Variants in FAM135B observed in about 807,000 individuals in gnomAD.
FAM135B encodes family with sequence similarity 135 member B.
FAM135B carries 43 observed loss-of-function variants against 127.7 expected under a neutral mutation model. That is an observed-to-expected ratio of 0.34 (90% CI 0.26 to 0.43). FAM135B has a LOEUF of 0.43. Among genes scored for constraint, FAM135B ranks in the 20% least tolerant of loss-of-function variants. The probability of loss-of-function intolerance (pLI) is 1.00; values close to 1 mark genes in which losing one functional copy is unlikely to be tolerated. For missense variants in FAM135B, 1,558 were observed against 1,725.6 expected (o/e 0.90, Z 1.72); for synonymous variants, 670 against 665.1 (o/e 1.01, Z -0.11).
rs1210871257 is a variant in FAM135B, at chr8:138,250,955, T to C, written c.428A>G (p.His143Arg). 2 of 1,611,516 alleles carry C rather than the reference T, an allele frequency of 1.2e-6. No homozygotes were observed. Among genetic ancestry groups the C allele is most frequent in the Non-Finnish European group, 1.7e-6 (2 of 1,179,728 alleles). Residue 143 changes from histidine to arginine, a missense_variant, in exon 6 of 20, where the codon CAC becomes CGC. His to Arg is a conservative substitution (Grantham distance 29). Transcript: ENST00000395297. ...VSSRTLGLHF[H>R]PRNGLHHQVP... The stretch of plus-strand genomic sequence containing the variant: ...CTGGTGGTGCAGACCATTCCGGGGG[T>C]GGAAGTGCAGGCCAAGCGTTCGGCT...
chr8:138,436,768 G>C (rs1399437101), intron 1 of FAM135B: 1 of 152,232 alleles, frequency 6.6e-6, no homozygotes, highest in Non-Finnish European at 1.5e-5. Flanking sequence ...CATTTTATAA[G>C]GGCCATGCAA....
intron 1 of FAM135B, among the ~76,000 whole-genome samples, chr8:138,443,862 G>A (rs1003759534): frequency 7.2e-5 from 11 of 152,094 alleles, no homozygotes; most frequent in African/African-American, 2.4e-4. Flanking sequence ...CTGGCAAATT[G>A]GATAAAGAGT....
At chr8:138,487,158 A>T (rs201915446) in intron 1 of FAM135B, among the ~76,000 whole-genome samples, 1 of 152,160 alleles carries the variant, frequency 6.6e-6, no homozygotes, top group Admixed American at 6.5e-5. Flanking sequence ...TTTCATTTAC[A>T]TGACCCTGTC....
In FAM135B at chr8:138,168,068, G is replaced by A. The variant is rs1269294206; in HGVS notation, c.1104-19C>T. The stretch of plus-strand genomic sequence containing the variant: ...CTGTATCCTGGGGAGCACATGGCAG[G>A]GTGAGCGTCCAGGGAAGAGTCAGAG... On this transcript the variant is annotated intron_variant, in intron 11 of 19. Transcript: ENST00000395297. 6 of 1,603,196 alleles carry A rather than the reference G, an allele frequency of 3.7e-6. No individual in the cohort carries two copies. The highest frequency in any genetic ancestry group is 5.1e-6 in the Non-Finnish European group (6 of 1,174,602).
intron 1 of FAM135B, among the ~76,000 whole-genome samples, chr8:138,454,759 G>A (rs1836684639): frequency 1.3e-5 from 2 of 152,196 alleles, no homozygotes; most frequent in African/African-American, 4.8e-5. Context: ...ATAATCGGAA[G>A]GAATGGAAAC....
intron 1 of FAM135B, among the ~76,000 whole-genome samples, chr8:138,427,479 C>T (rs1368269947): frequency 6.6e-6 from 1 of 151,854 alleles, no homozygotes; most frequent in Non-Finnish European, 1.5e-5. Context: ...GTTTTCTGAA[C>T]CTTGACCTAT....
At chr8:138,304,154 A>C (rs1567690) in intron 3 of FAM135B, among the ~76,000 whole-genome samples, 2 of 151,956 alleles carry the variant, frequency 1.3e-5, no homozygotes, top group Admixed American at 1.3e-4. Context: ...ACTTCAGCCC[A>C]TCAGGCAACT....
Position 138,301,921 on chromosome 8 carries a change from T to C in FAM135B, c.157+8920A>G, listed in dbSNP as rs140969250. Among the ~76,000 whole-genome samples, 1,237 of 152,218 alleles carry C rather than the reference T, an allele frequency of 8.1e-3. 51 individuals are homozygous for C. The highest frequency in any genetic ancestry group is 0.072 in the Admixed American group (1,105 of 15,270). Reference sequence around the variant, plus strand: ...ACATCGCAGCTGGGCATCTCAGGGTTCAGAGAGAGCTCTGGACCAGTGCCT... The same window carrying C: ...ACATCGCAGCTGGGCATCTCAGGGTCCAGAGAGAGCTCTGGACCAGTGCCT... On this transcript the variant is annotated intron_variant, in intron 3 of 19. Coordinates refer to ENST00000395297, the MANE Select transcript of FAM135B (RefSeq NM_015912.4).
intron 1 of FAM135B, among the ~76,000 whole-genome samples, chr8:138,390,400 G>A (rs1401121809): frequency 3.9e-5 from 6 of 152,072 alleles, no homozygotes; most frequent in Admixed American, 1.3e-4. Context: ...CTTGTCTGCC[G>A]TCATGTAAGA....
chr8:138,248,815 C>T (rs535930029), intron 6 of FAM135B, among the ~76,000 whole-genome samples: 14 of 103,766 alleles, frequency 1.3e-4, no homozygotes, highest in South Asian at 6.9e-4. Context: ...CAGAGTGAGA[C>T]GCTGTCTCAA....
chr8:138,351,952 A>T (rs941129169), intron 2 of FAM135B, among the ~76,000 whole-genome samples: 3 of 152,092 alleles, frequency 2.0e-5, no homozygotes, highest in African/African-American at 7.2e-5. Flanking sequence ...GGCCTCCCAA[A>T]GTGCTGGGAT....
intron 1 of FAM135B, among the ~76,000 whole-genome samples, chr8:138,461,475 T>C (rs1034703861): frequency 6.6e-6 from 1 of 152,154 alleles, no homozygotes; most frequent in African/African-American, 2.4e-5. Context: ...CACAATAAAT[T>C]ACCACAAACA....
At chr8:138,496,592 G>A (rs1225987214) in intron 1 of FAM135B, 79 bp downstream of exon 1, 1 of 152,282 alleles carries the variant, frequency 6.6e-6, no homozygotes, top group Non-Finnish European at 1.5e-5. Context: ...CCATCCAACT[G>A]GCAACCACGC....
intron 1 of FAM135B, among the ~76,000 whole-genome samples, chr8:138,394,453 T>C (rs989601949): frequency 1.3e-5 from 2 of 152,156 alleles, no homozygotes; most frequent in Admixed American, 6.5e-5. Flanking sequence ...TAGCCAGTAA[T>C]AGAGAACAGA....
chr8:138,218,434 T>C (rs551213318), intron 7 of FAM135B, among the ~76,000 whole-genome samples: 110 of 152,280 alleles, frequency 7.2e-4, no homozygotes, highest in Non-Finnish European at 1.3e-3. Context: ...AATACCAATA[T>C]AGAAAATAGT....
chr8:138,161,584 T>C (rs1426756510), intron 12 of FAM135B, among the ~76,000 whole-genome samples: 1 of 152,204 alleles, frequency 6.6e-6, no homozygotes, highest in Non-Finnish European at 1.5e-5. Flanking sequence ...GCAATCACTA[T>C]TGAATGTGAC....
chr8:138,291,507 C>A (rs1443223206), intron 3 of FAM135B, among the ~76,000 whole-genome samples: 1 of 151,932 alleles, frequency 6.6e-6, no homozygotes, highest in Admixed American at 6.6e-5. Context: ...ATATATAGAC[C>A]AATATATCTG....
chr8:138,322,428 C>T (rs77548625), intron 2 of FAM135B, among the ~76,000 whole-genome samples: 1,839 of 152,194 alleles, frequency 0.012, 34 homozygotes, highest in African/African-American at 0.042. Flanking sequence ...TCAAAAGTAA[C>T]TCCAGATTGC....
intron 2 of FAM135B, among the ~76,000 whole-genome samples, chr8:138,332,151 T>C (rs1480044743): frequency 1.3e-5 from 2 of 152,162 alleles, no homozygotes; most frequent in African/African-American, 4.8e-5. Context: ...GACCAGAGGA[T>C]ACTTCATCTT....
Sources: gnomAD v4.1 joint callset for allele counts (sites outside exome capture counted in the v4.1 genomes callset) on GRCh38, gnomAD v4.1.1 for gene constraint, MANE v1.5 for transcripts, NCBI Gene and HGNC (gene_info 2026-07-23, HGNC 2026-07-21) for gene names.